MROH2A: variants seen among roughly 807,000 people sequenced by gnomAD.
MROH2A encodes maestro heat like repeat family member 2A.
A neutral mutation model predicts 200.4 loss-of-function variants in MROH2A; 174 were observed. The ratio of observed to expected loss-of-function variants is 0.87; its 90% CI spans 0.77 to 0.98. The LOEUF (loss-of-function observed/expected upper bound fraction) is 0.98, where lower values mean the gene tolerates loss of function less well. Among genes scored for constraint, MROH2A ranks in the 50% least tolerant of loss-of-function variants. The pLI, the probability that MROH2A is intolerant of heterozygous loss-of-function variation, is 0.00. For synonymous variants in MROH2A, 829 were observed against 840.4 expected (o/e 0.99, Z 0.23); for missense variants, 2,045 against 2,139.6 (o/e 0.96, Z 0.87).
chr2:233,829,212 AT>A, intron 37 of MROH2A, 140 bp downstream of exon 37: 1 of 810,074 alleles, frequency 1.2e-6, no homozygotes, highest in South Asian at 2.0e-5. Flanking sequence ...TGATCACGGG[AT>A]CTTGTGAAGT....
rs555295527 is a variant in MROH2A at position 233,829,620 on chromosome 2, G to A, written c.4447G>A (p.Glu1483Lys). Residue 1483 changes from glutamate to lysine, a missense_variant and splice_region_variant, in exon 38 of 42, where the codon GAG becomes AAG. Coordinates refer to ENST00000389758, the MANE Select transcript of MROH2A (RefSeq NM_001394639.1). ...CAGCCTGTGTCCATCCTGGCCACAG[G>A]AGAGCGAGCTGCTGCGTCTGAAAGC... ...SEQCRIFFDNESELLRLKAFI... is the reference protein window; with the variant it reads ...SEQCRIFFDNKSELLRLKAFI... 117 of 1,413,956 alleles carry A rather than the reference G, an allele frequency of 8.3e-5. No individual in the cohort carries two copies. The African/African-American group carries it at 1.6e-3, about 20-fold the overall frequency. 87.6% of individuals were successfully genotyped at this position (1,413,956 alleles called of 1,614,324 possible). A position where few individuals can be genotyped will look rare whatever the true frequency, so the allele number is the denominator to read the frequency against.
intron 23 of MROH2A, 137 bp downstream of exon 23, chr2:233,811,053 C>A: frequency 3.1e-6 from 3 of 979,768 alleles, no homozygotes; most frequent in Non-Finnish European, 4.4e-6. Flanking sequence ...CTGCTTTGTC[C>A]TAACTGTAGG....
chr2:233,789,943 A>G lies in MROH2A; in HGVS notation c.500A>G (p.His167Arg). The G allele has an allele frequency of 1.3e-6, 2 of 1,550,510 alleles. No individual in the cohort carries two copies. The highest frequency in any genetic ancestry group is 1.7e-6 in the Non-Finnish European group (2 of 1,146,950). ...HFSLVMYELQHHLKPLNLTDE... is the reference protein window; with the variant it reads ...HFSLVMYELQRHLKPLNLTDE... The stretch of plus-strand genomic sequence containing the variant: ...AGCTTGGTCATGTACGAGCTGCAGC[A>G]CCACCTCAAGCCCCTCAACCTCACT... The change falls in exon 5 of 42, where the codon CAC (histidine) becomes CGC (arginine). Residue 167 changes from histidine to arginine, a missense_variant. Physicochemically the swap from His to Arg is conservative, Grantham distance 29 (BLOSUM62 0). Coordinates refer to ENST00000389758, the MANE Select transcript of MROH2A (RefSeq NM_001394639.1).
intron 14 of MROH2A, among the ~76,000 whole-genome samples, chr2:233,801,168 G>A (rs1044402347): frequency 2.0e-5 from 3 of 152,220 alleles, no homozygotes; most frequent in African/African-American, 7.2e-5. Flanking sequence ...GTAAACAATA[G>A]ATCCAGGATT....
rs1356383094 is a variant in MROH2A, at chr2:233,820,621, G to A, written c.3512+565G>A. On this transcript the variant is annotated intron_variant, in intron 31 of 41. Coordinates refer to ENST00000389758, the MANE Select transcript of MROH2A (RefSeq NM_001394639.1). This position sits in a 1 kb window ranked among gnomAD's most constrained non-coding sequence, Gnocchi z 4.1. ...TACAGCATGATGGCACAGGCAGCTG[G>A]GCATGGTCTCCCCACATGTGGGGAG... 2.6e-5 allele frequency among the ~76,000 whole-genome samples: 4 copies of A among 151,970 alleles called. No homozygotes were observed. The highest frequency in any genetic ancestry group is 4.8e-5 in the African/African-American group (2 of 41,372).
chr2:233,790,457 CCTTCCTCCCTCCCTCCTT>C lies in MROH2A; in HGVS notation c.571+445_571+462del, dbSNP rs1190652836. On this transcript the variant is annotated intron_variant, in intron 5 of 41. Transcript: ENST00000389758. ...TCCTTCCTTCCTCCCTCCCCCCCTT[CCTTCCTCCCTCCCTCCTT>C]CCTTCCTCCCTCCCTCCTTCCTTCC... Among the ~76,000 whole-genome samples, 19 of 39,164 alleles carry C rather than the reference CCTTCCTCCCTCCCTCCTT, an allele frequency of 4.9e-4. 1 individual carries two copies. Among genetic ancestry groups the C allele is most frequent in the African/African-American group, 3.8e-3 (18 of 4,766 alleles). The allele number at this position is 39,164 out of a possible 152,430, so 25.7% of individuals were successfully genotyped here.
In MROH2A at chr2:233,822,248, G is replaced by A; in HGVS notation, c.3637G>A (p.Asp1213Asn). The A allele has an allele frequency of 1.9e-6, 3 of 1,547,758 alleles. No homozygotes were observed. The African/African-American group carries it at 4.1e-5, about 21-fold the overall frequency. Reference sequence around the variant, plus strand: ...CAGAATCAGTGCCACCTCCAAGGCTGACATCTGGCGCCTGGCTGCGGTGGA... The same window carrying A: ...CAGAATCAGTGCCACCTCCAAGGCTAACATCTGGCGCCTGGCTGCGGTGGA... ...SPRISATSKADIWRLAAVDPL... is the reference protein window; with the variant it reads ...SPRISATSKANIWRLAAVDPL... The change falls in exon 32 of 42, where the codon GAC becomes AAC. Residue 1213 changes from aspartate (D) to asparagine (N), a missense_variant. This residue lies in a region of MROH2A where 1,201 missense variants were observed against 1,311.3 expected (regional missense o/e 0.92). Transcript: ENST00000389758.
At chr2:233,799,637 T>A in intron 12 of MROH2A, 143 bp from the exon 13 acceptor site, 2 of 1,036,426 alleles carry the variant, frequency 1.9e-6, no homozygotes, top group Admixed American at 5.2e-5. Flanking sequence ...CAGGGGGAGG[T>A]GGACAGAGTG....
At chr2:233,789,447 G>A (rs1701584504) in intron 3 of MROH2A, 50 bp from the exon 4 acceptor site, 2 of 1,345,148 alleles carry the variant, frequency 1.5e-6, no homozygotes, top group African/African-American at 3.0e-5. Flanking sequence ...AGGTGGACTT[G>A]TGCTGGGGGC....
Position 233,779,455 on chromosome 2 carries a change from A to G in MROH2A, c.94+3A>G, listed in dbSNP as rs1700825631. On this transcript the variant is annotated splice_donor_region_variant and intron_variant, in intron 2 of 41. Transcript: ENST00000389758. ...GCCTCTTGAATTACATGACAGTGGT[A>G]AGAATGTCATCCACATTTCTGCTTT... 9 of 1,545,962 alleles carry G rather than the reference A, an allele frequency of 5.8e-6. No homozygotes were observed. The highest frequency in any genetic ancestry group is 7.9e-6 in the Non-Finnish European group (9 of 1,143,068).
chr2:233,788,643 A>G lies in MROH2A; in HGVS notation c.277-854A>G, dbSNP rs185116954. On this transcript the variant is annotated intron_variant, in intron 3 of 41. Transcript: ENST00000389758. ...CCTAGAAAGTAACCCTCATTCCTTA[A>G]GAGTGGCTTGTCAGCCGGGCGTGGT... Among the ~76,000 whole-genome samples, 53 of 152,172 alleles carry G rather than the reference A, an allele frequency of 3.5e-4. 1 individual carries two copies. The highest frequency in any genetic ancestry group is 6.7e-4 in the African/African-American group (28 of 41,538).
chr2:233,787,715 A>T (rs1206529281), intron 3 of MROH2A, among the ~76,000 whole-genome samples: 17 of 64,494 alleles, frequency 2.6e-4, no homozygotes, highest in East Asian at 1.3e-3. Context: ...AAACATATAT[A>T]TTATATATAT....
rs544539287 is a variant in MROH2A, at chr2:233,814,626, G to A, written c.2805G>A (p.Glu935=). Residue 935 remains glutamate (E), a synonymous_variant, in exon 26 of 42, where the codon GAG becomes GAA. Transcript: ENST00000389758. ...TGAGCTCCCTGGAGCAGCTGATGGAGAGCCTCCTGCAGAGGCAGCTGGACC... is the reference window on the plus strand; with the variant it reads ...TGAGCTCCCTGGAGCAGCTGATGGAAAGCCTCCTGCAGAGGCAGCTGGACC... ...NALSSLEQLM[E]SLLQRQLDPK... 1 of 1,550,494 alleles carries A rather than the reference G, an allele frequency of 6.4e-7. No individual in the cohort carries two copies. The highest frequency in any genetic ancestry group is 1.2e-5 in the South Asian group (1 of 84,038).
intron 35 of MROH2A, among the ~76,000 whole-genome samples, chr2:233,825,550 C>T (rs1262625328): frequency 6.6e-6 from 1 of 152,108 alleles, no homozygotes; most frequent in African/African-American, 2.4e-5. Flanking sequence ...TTATTGAAGG[C>T]CTTTTCTGCA....
rs985187893 is a variant in MROH2A, at chr2:233,833,376, C to T, written c.*117C>T. The T allele has an allele frequency of 1.8e-6, 2 of 1,139,528 alleles. No individual in the cohort carries two copies. Among genetic ancestry groups the T allele is most frequent in the African/African-American group, 3.2e-5 (2 of 62,782 alleles). 70.6% of individuals were successfully genotyped at this position (1,139,528 alleles called of 1,614,324 possible). On this transcript the variant is annotated 3_prime_UTR_variant, in exon 42 of 42. Transcript: ENST00000389758. The stretch of plus-strand genomic sequence containing the variant: ...ACACTATTGTAAAATAACTAGTATC[C>T]TTTTGTTTCCTTCCGTTGAAATAAA...
rs1381896202 is a variant in MROH2A at position 233,832,589 on chromosome 2, GA to G, written c.4850del (p.Lys1617SerfsTer8). On this transcript the variant is annotated frameshift_variant, in exon 41 of 42. Coordinates refer to ENST00000389758, the MANE Select transcript of MROH2A (RefSeq NM_001394639.1). LOFTEE classifies it high-confidence loss of function. ...AACNLAGIIM[K>X]QMSTHYLKKL... ...TGGCTATTGTTTTAGGAATTATTAT[GA>G]AGCAGATGTCTACACATTATCTGAA... is the stretch of plus-strand genomic sequence containing the variant. The G allele has an allele frequency of 5.8e-6, 9 of 1,548,758 alleles. No homozygotes were observed. The Admixed American group carries it at 1.4e-4, about 24-fold the overall frequency.
chr2:233,787,613 C>G (rs867415962), intron 3 of MROH2A, among the ~76,000 whole-genome samples: 1 of 61,636 alleles, frequency 1.6e-5, no homozygotes, highest in South Asian at 4.8e-4. Context: ...TTATATATAT[C>G]ATATATACAT....
At chr2:233,813,553 G>A in intron 24 of MROH2A, 117 bp from the exon 25 acceptor site, 1 of 633,184 alleles carries the variant, frequency 1.6e-6, no homozygotes. Context: ...GCCTCCAACT[G>A]GAGAAGTAGG....
Position 233,800,272 on chromosome 2 carries a change from A to G in MROH2A, c.1517A>G (p.Asp506Gly), listed in dbSNP as rs1161053171. The G allele has an allele frequency of 6.5e-7, 1 of 1,550,222 alleles. No homozygotes were observed. The highest frequency in any genetic ancestry group is 8.7e-7 in the Non-Finnish European group (1 of 1,146,820). ...EERMVHKVTM[D>G]TVKIITSSVS... is the part of the protein sequence containing the mutation. Reference sequence around the variant, plus strand: ...AGGATGGTCCACAAAGTCACCATGGACACTGTGAAGATCATTACCTCTTCT... The same window carrying G: ...AGGATGGTCCACAAAGTCACCATGGGCACTGTGAAGATCATTACCTCTTCT... Residue 506 changes from aspartate (D) to glycine (G), a missense_variant, in exon 14 of 42, where the codon GAC (aspartate) becomes GGC (glycine). Physicochemically the swap from Asp to Gly is moderately conservative, Grantham distance 94 (BLOSUM62 -1). This residue lies in a region of MROH2A where 831 missense variants were observed against 800.0 expected (regional missense o/e 1.04). Coordinates refer to ENST00000389758, the MANE Select transcript of MROH2A (RefSeq NM_001394639.1).
Sources: allele counts gnomAD v4.1 joint callset (sites outside exome capture counted in the v4.1 genomes callset), GRCh38; gene constraint gnomAD v4.1.1; regional missense constraint gnomAD v4.1.1; non-coding constraint Gnocchi (gnomAD v3.1); transcripts MANE v1.5; gene names NCBI Gene and HGNC (gene_info 2026-07-23, HGNC 2026-07-21).